The following SLC8A1 variants were observed in gnomAD, a reference collection of about 807,000 sequenced individuals.
SLC8A1 encodes the protein sodium/calcium exchanger 1.
In SLC8A1, 18 loss-of-function variants were observed where a neutral mutation model predicts 68.3. The ratio of observed to expected loss-of-function variants is 0.26; its 90% confidence interval spans 0.18 to 0.39. The LOEUF (loss-of-function observed/expected upper bound fraction) is 0.39, where lower values mean the gene tolerates loss of function less well. Among genes scored for constraint, SLC8A1 ranks in the 10% least tolerant of loss-of-function variants. The pLI, the probability that SLC8A1 is intolerant of heterozygous loss-of-function variation, is 1.00. For missense variants in SLC8A1, 985 were observed against 1,156.7 expected, an observed-to-expected ratio of 0.85 and a Z score of 2.15; for synonymous variants, 475 against 415.5, an observed-to-expected ratio of 1.14 and a Z score of -1.74.
chr2:40,401,026 T>C (rs1688574372), intron 2 of SLC8A1, among the ~76,000 whole-genome samples: 1 of 152,186 alleles, frequency 6.6e-6, no homozygotes. Context: ...CATGGTGTTT[T>C]ACAGTTTAGA....
chr2:40,299,380 G>C (rs1311018560), intron 2 of SLC8A1, among the ~76,000 whole-genome samples: 1 of 152,200 alleles, frequency 6.6e-6, no homozygotes, highest in Non-Finnish European at 1.5e-5. Flanking sequence ...ACTGTCAGCA[G>C]TCAGACTCTC....
At chr2:40,433,189 T>A (rs564281190) in intron 1 of SLC8A1, among the ~76,000 whole-genome samples, 1 of 152,214 alleles carries the variant, frequency 6.6e-6, no homozygotes, top group Admixed American at 6.5e-5. Flanking sequence ...TCTTCATTGG[T>A]TTCCCACTTC....
chr2:40,445,319 A>C (rs1701244003), intron 1 of SLC8A1, among the ~76,000 whole-genome samples: 1 of 152,170 alleles, frequency 6.6e-6, no homozygotes, highest in Non-Finnish European at 1.5e-5. Flanking sequence ...TCATTTTGTT[A>C]GTCAGTATTC....
chr2:40,283,413 T>G (rs1471275309), intron 2 of SLC8A1, among the ~76,000 whole-genome samples: 1 of 152,176 alleles, frequency 6.6e-6, no homozygotes, highest in African/African-American at 2.4e-5. Flanking sequence ...AACAGTTATT[T>G]GGAGAGTATT....
chr2:40,099,420 T>C (rs1443726239), exon 8 of SLC8A1: 1 of 152,058 alleles, frequency 6.6e-6, no homozygotes, highest in Non-Finnish European at 1.5e-5. Flanking sequence ...TTTCAAAGTG[T>C]AGTGAAGTTA....
At chr2:40,114,692 TG>T (rs1168710174) in exon 8 of SLC8A1, 2 of 152,570 alleles carry the variant, frequency 1.3e-5, no homozygotes, top group Admixed American at 6.5e-5. Flanking sequence ...GAGATAAGCA[TG>T]AACTTTGGTA....
chr2:40,297,214 G>A (rs1422887948), intron 2 of SLC8A1, among the ~76,000 whole-genome samples: 1 of 152,104 alleles, frequency 6.6e-6, no homozygotes, highest in African/African-American at 2.4e-5. Context: ...GCAAGACACA[G>A]AAATACATGT....
chr2:40,393,655 A>G (rs562944312), intron 2 of SLC8A1, among the ~76,000 whole-genome samples: 1 of 152,288 alleles, frequency 6.6e-6, no homozygotes, highest in Admixed American at 6.5e-5. Context: ...TTAGGGGGAT[A>G]ACTGTGTAAT....
chr2:40,401,567 CAAAAAAA>C (rs3060361), intron 2 of SLC8A1, among the ~76,000 whole-genome samples: 40 of 94,072 alleles, frequency 4.3e-4, no homozygotes, highest in African/African-American at 1.1e-3. Context: ...ATAGGCCAGT[CAAAAAAA>C]AAAAAAAAAA....
At chr2:40,183,066 C>T (rs1008479439) in intron 2 of SLC8A1, among the ~76,000 whole-genome samples, 1 of 152,192 alleles carries the variant, frequency 6.6e-6, no homozygotes, top group African/African-American at 2.4e-5. Flanking sequence ...ATGATAGGCT[C>T]TTTGCATTTC....
intron 2 of SLC8A1, among the ~76,000 whole-genome samples, chr2:40,412,977 G>A (rs1692647154): frequency 6.6e-6 from 1 of 152,034 alleles, no homozygotes; most frequent in Non-Finnish European, 1.5e-5. Context: ...ATGTATACAT[G>A]TGCCATGTTG....
chr2:40,409,835 C>T (rs1382479231), intron 2 of SLC8A1, among the ~76,000 whole-genome samples: 1 of 152,132 alleles, frequency 6.6e-6, no homozygotes, highest in East Asian at 1.9e-4. Flanking sequence ...CCCCTTGATC[C>T]TGCTTTGCCT....
chr2:40,486,170 G>T (rs936172241), intron 1 of SLC8A1, among the ~76,000 whole-genome samples: 1 of 152,044 alleles, frequency 6.6e-6, no homozygotes, highest in Non-Finnish European at 1.5e-5. Flanking sequence ...TTGTGAAAAA[G>T]GTGCCTTGCT....
At chr2:40,179,366 C>G (rs953039253) in intron 2 of SLC8A1, among the ~76,000 whole-genome samples, 1 of 152,228 alleles carries the variant, frequency 6.6e-6, no homozygotes, top group Non-Finnish European at 1.5e-5. Context: ...TTTAACAGTT[C>G]TTGCCTTATG....
intron 1 of SLC8A1, among the ~76,000 whole-genome samples, chr2:40,448,488 T>C (rs1436362223): frequency 6.6e-6 from 1 of 152,062 alleles, no homozygotes; most frequent in Non-Finnish European, 1.5e-5. Flanking sequence ...CTCAGCTATA[T>C]CTCTAGGGAA....
At chr2:40,479,554 A>G (rs1704499324) in intron 1 of SLC8A1, among the ~76,000 whole-genome samples, 1 of 152,168 alleles carries the variant, frequency 6.6e-6, no homozygotes, top group African/African-American at 2.4e-5. Flanking sequence ...GTAGGTATTT[A>G]TATATTCTAT....
intron 1 of SLC8A1, among the ~76,000 whole-genome samples, chr2:40,495,271 T>C (rs1333294954): frequency 1.3e-5 from 2 of 152,016 alleles, no homozygotes; most frequent in Non-Finnish European, 2.9e-5. Flanking sequence ...TCTGGCTATT[T>C]TGCTTATAAT....
At chr2:40,295,263 C>A (rs920449225) in intron 2 of SLC8A1, among the ~76,000 whole-genome samples, 4 of 151,972 alleles carry the variant, frequency 2.6e-5, no homozygotes, top group African/African-American at 7.3e-5. Flanking sequence ...CCATGCCCAG[C>A]TAATTTTAAA....
chr2:40,098,862 A>G (rs2033727187), exon 8 of SLC8A1: 1 of 152,058 alleles, frequency 6.6e-6, no homozygotes, highest in Admixed American at 6.6e-5. Context: ...AAAAGAAGAT[A>G]ATCTACATTT....
Sources: gnomAD v4.1 joint callset for allele counts (sites outside exome capture counted in the v4.1 genomes callset) on GRCh38, gnomAD v4.1.1 for gene constraint, MANE v1.5 for transcripts, NCBI Gene and HGNC (gene_info 2026-07-23, HGNC 2026-07-21) for gene names.